The following TMC1 variants were observed in gnomAD, a reference collection of about 807,000 sequenced individuals.
The protein encoded by TMC1 is transmembrane channel like 1, also known as transmembrane channel-like protein 1.
A neutral mutation model predicts 105.8 loss-of-function variants in TMC1; 84 were observed. That is an observed-to-expected ratio of 0.79 (90% CI 0.67 to 0.95). The LOEUF is 0.95. Among genes scored for constraint, TMC1 ranks in the 40% least tolerant of loss-of-function variants. The pLI, the probability that TMC1 is intolerant of heterozygous loss-of-function variation, is 0.00. For synonymous variants in TMC1, 315 were observed against 311.5 expected (o/e 1.01, Z -0.12); for missense variants, 817 against 914.1 (o/e 0.89, Z 1.37).
At chr9:72,655,778 G>A in intron 5 of TMC1, 1 of 567,830 alleles carries the variant, frequency 1.8e-6, no homozygotes, top group Non-Finnish European at 3.2e-6. Flanking sequence ...ACTGATGCTT[G>A]TTTCATTTTT....
chr9:72,726,401 T>C (rs1218967474), intron 8 of TMC1, among the ~76,000 whole-genome samples: 1 of 152,252 alleles, frequency 6.6e-6, no homozygotes, highest in African/African-American at 2.4e-5. Flanking sequence ...ATTGTGTTTC[T>C]TGACCAGTGC....
intron 2 of TMC1, among the ~76,000 whole-genome samples, chr9:72,610,766 A>G (rs1484692856): frequency 1.3e-5 from 2 of 152,246 alleles, no homozygotes; most frequent in Admixed American, 1.3e-4. Flanking sequence ...TAAAGACTAA[A>G]GCCTGTAGAT....
intron 18 of TMC1, among the ~76,000 whole-genome samples, chr9:72,809,338 AC>A (rs1188535665): frequency 6.6e-6 from 1 of 152,220 alleles, no homozygotes; most frequent in Admixed American, 6.5e-5. Flanking sequence ...AGGAAAAAAG[AC>A]AAGTTCCTGT....
intron 7 of TMC1, 91 bp from the exon 8 acceptor site, chr9:72,700,427 A>T: frequency 8.8e-7 from 1 of 1,134,474 alleles, no homozygotes; most frequent in Non-Finnish European, 1.2e-6. Flanking sequence ...ATTTAAAAAA[A>T]ATGAGCTAAA....
intron 18 of TMC1, among the ~76,000 whole-genome samples, chr9:72,810,105 G>A (rs370454561): frequency 7.1e-6 from 1 of 139,966 alleles, no homozygotes. Flanking sequence ...GAGCACCAGA[G>A]ATAGATAGTG....
chr9:72,562,008 T>TAA (rs11367909), intron 1 of TMC1, among the ~76,000 whole-genome samples: 1 of 144,514 alleles, frequency 6.9e-6, no homozygotes. Flanking sequence ...ATCCTATCTC[T>TAA]AAAAAAAAAA....
chr9:72,663,447 A>G (rs1825996137), intron 5 of TMC1, among the ~76,000 whole-genome samples: 1 of 152,172 alleles, frequency 6.6e-6, no homozygotes, highest in Admixed American at 6.5e-5. Context: ...AGTCCCCAGG[A>G]AAGAAGGGGG....
At chr9:72,793,313 C>T (rs1234163247) in intron 17 of TMC1, among the ~76,000 whole-genome samples, 1 of 152,156 alleles carries the variant, frequency 6.6e-6, no homozygotes, top group East Asian at 1.9e-4. Flanking sequence ...GAATGAAACC[C>T]ACTGGCTTGG....
chr9:72,748,982 C>A (rs1827536041), intron 10 of TMC1, among the ~76,000 whole-genome samples: 2 of 152,144 alleles, frequency 1.3e-5, no homozygotes, highest in Non-Finnish European at 2.9e-5. Flanking sequence ...TGTAAAGACT[C>A]AACCTCCAAA....
chr9:72,835,110 C>T (rs959747598), intron 23 of TMC1, among the ~76,000 whole-genome samples: 4 of 152,192 alleles, frequency 2.6e-5, no homozygotes, highest in East Asian at 1.9e-4. Flanking sequence ...TATTCTCCCC[C>T]TCCTTGCAGG....
chr9:72,750,942 C>G (rs923753337), intron 10 of TMC1, among the ~76,000 whole-genome samples: 2 of 152,184 alleles, frequency 1.3e-5, no homozygotes, highest in Non-Finnish European at 2.9e-5. Flanking sequence ...CTGCTCTTCC[C>G]CAGCTCAGCA....
chr9:72,808,124 T>C (rs947773804), intron 18 of TMC1, among the ~76,000 whole-genome samples: 4 of 152,222 alleles, frequency 2.6e-5, no homozygotes, highest in African/African-American at 9.6e-5. Context: ...TAGAATGATT[T>C]CCAAATCCCT....
rs550368771 is a variant in TMC1, at chr9:72,756,554, C to T, written c.741+1670C>T. Reference sequence around the variant, plus strand: ...TCTCACTTTCAAATTTCAAATAATGCATTACTATGTCCCTTTACCACTGTT... The same window carrying T: ...TCTCACTTTCAAATTTCAAATAATGTATTACTATGTCCCTTTACCACTGTT... On this transcript the variant is annotated intron_variant, in intron 12 of 23. Coordinates refer to ENST00000297784, the MANE Select transcript of TMC1 (RefSeq NM_138691.3). Among the ~76,000 whole-genome samples, 13 of 152,220 alleles carry T rather than the reference C, an allele frequency of 8.5e-5. No individual in the cohort carries two copies. The South Asian group carries it at 2.7e-3, about 32-fold the overall frequency.
chr9:72,718,131 A>G (rs1412282406), intron 8 of TMC1, among the ~76,000 whole-genome samples: 2 of 151,784 alleles, frequency 1.3e-5, no homozygotes, highest in African/African-American at 4.8e-5. Flanking sequence ...TATTTCCTTA[A>G]GTTGGACTTC....
At chr9:72,692,362 G>C (rs1031853160) in intron 6 of TMC1, among the ~76,000 whole-genome samples, 5 of 152,072 alleles carry the variant, frequency 3.3e-5, no homozygotes, top group African/African-American at 4.8e-5. Flanking sequence ...ATGGTGTGAG[G>C]GTGTGTCAGA....
At chr9:72,735,551 T>C (rs1410679433) in intron 8 of TMC1, among the ~76,000 whole-genome samples, 1 of 152,240 alleles carries the variant, frequency 6.6e-6, no homozygotes, top group Non-Finnish European at 1.5e-5. Flanking sequence ...ATATGAGATT[T>C]GTTTTTGTAT....
intron 1 of TMC1, among the ~76,000 whole-genome samples, chr9:72,550,413 A>G (rs1823840959): frequency 6.6e-6 from 1 of 151,418 alleles, no homozygotes; most frequent in Non-Finnish European, 1.5e-5. Context: ...GAGGTTGCAG[A>G]GCCCATATCG....
At chr9:72,609,947 T>C (rs1587987406) in intron 2 of TMC1, among the ~76,000 whole-genome samples, 1 of 152,270 alleles carries the variant, frequency 6.6e-6, no homozygotes. Flanking sequence ...CTCTCTGGAC[T>C]ACCACTTTGT....
intron 5 of TMC1, among the ~76,000 whole-genome samples, chr9:72,659,434 A>T (rs2132159511): frequency 6.6e-6 from 1 of 152,292 alleles, no homozygotes; most frequent in African/African-American, 2.4e-5. Context: ...CAGGATATCA[A>T]GACCAGCCTG....
Sources: gnomAD v4.1 joint callset for allele counts (sites outside exome capture counted in the v4.1 genomes callset) on GRCh38, gnomAD v4.1.1 for gene constraint, MANE v1.5 for transcripts, NCBI Gene and HGNC (gene_info 2026-07-23, HGNC 2026-07-21) for gene names.